Variants in RPE65 observed in about 807,000 individuals in gnomAD.
RPE65 encodes the protein retinoid isomerohydrolase.
Under a neutral mutation model 68.5 loss-of-function variants are expected in RPE65, and 58 were observed. The observed-to-expected ratio is 0.85, with a 90% CI of 0.69 to 1.05. The LOEUF is 1.05. Among genes scored for constraint, RPE65 ranks in the 50% least tolerant of loss-of-function variants. RPE65 has a pLI of 0.00. For synonymous variants in RPE65, 220 were observed against 222.2 expected (o/e 0.99, Z 0.09); for missense variants, 643 against 629.9 (o/e 1.02, Z -0.22).
At chr1:68,436,023 T>A (rs1263996373) in intron 10 of RPE65, among the ~76,000 whole-genome samples, 4 of 152,246 alleles carry the variant, frequency 2.6e-5, no homozygotes. Context: ...CAGTTCCCTA[T>A]TCTATAATTG....
At chr1:68,448,338 C>A (rs559711111) in intron 2 of RPE65, among the ~76,000 whole-genome samples, 1 of 152,162 alleles carries the variant, frequency 6.6e-6, no homozygotes, top group Non-Finnish European at 1.5e-5. Flanking sequence ...ATTTATAGGA[C>A]ATTTACTATG....
At position 68,429,737 on chromosome 1, in the gene RPE65, TCA is replaced by T; in HGVS notation, c.*37_*38del. 6.2e-7 allele frequency: 1 copy of T among 1,612,828 alleles called. No homozygotes were observed. The highest frequency in any genetic ancestry group is 8.5e-7 in the Non-Finnish European group (1 of 1,179,242). On this transcript the variant is annotated 3_prime_UTR_variant, in exon 14 of 14. Transcript: ENST00000262340. ...GATTGCAGACCTGAAGCTGATTTTC[TCA>T]GTTTTGCTACCAAAAACATATCTTG...
intron 10 of RPE65, among the ~76,000 whole-genome samples, chr1:68,432,560 T>C (rs1427581557): frequency 6.6e-6 from 1 of 151,910 alleles, no homozygotes; most frequent in African/African-American, 2.4e-5. Flanking sequence ...GCTGAGTGTG[T>C]TTGAGGAGCA....
chr1:68,443,985 A>G (rs1383804877), intron 5 of RPE65, among the ~76,000 whole-genome samples: 1 of 152,208 alleles, frequency 6.6e-6, no homozygotes, highest in Non-Finnish European at 1.5e-5. Context: ...ATACTTGCCT[A>G]GAACCATAAA....
At chr1:68,448,844 G>C (rs1394275285) in intron 1 of RPE65, 138 bp from the exon 2 acceptor site, 1 of 391,902 alleles carries the variant, frequency 2.6e-6, no homozygotes, top group East Asian at 6.7e-5. Context: ...TCTCAGCTGG[G>C]TGGGGGTGGG....
intron 10 of RPE65, among the ~76,000 whole-genome samples, chr1:68,435,969 G>A (rs1400373970): frequency 6.6e-6 from 1 of 152,338 alleles, no homozygotes; most frequent in Non-Finnish European, 1.5e-5. Context: ...TTAGAAGAAA[G>A]AGGAGACGGA....
At chr1:68,443,262 C>G (rs926106332) in intron 5 of RPE65, among the ~76,000 whole-genome samples, 2 of 152,166 alleles carry the variant, frequency 1.3e-5, no homozygotes, top group Non-Finnish European at 2.9e-5. Context: ...GTGTTATTGC[C>G]CCCTAGGGGA....
chr1:68,438,138 G>A (rs778231195), intron 10 of RPE65, 49 bp downstream of exon 10: 22 of 1,609,556 alleles, frequency 1.4e-5, no homozygotes, highest in East Asian at 2.2e-5. Flanking sequence ...ATTCCTGAGA[G>A]AGATGAAACA....
At position 68,429,789 on chromosome 1, in the gene RPE65, AACAGTCCAT is replaced by A; in HGVS notation, c.1580_1588del (p.His527_Phe530delinsLeu). ...GCTGGAGTATGCTCAAGATTTTTTG[AACAGTCCAT>A]GAAAGGTGACAGGGATGTTAATCTC... On this transcript the variant is annotated inframe_deletion, in exon 14 of 14. Transcript: ENST00000262340. The A allele has an allele frequency of 6.2e-7, 1 of 1,613,612 alleles. No individual in the cohort carries two copies. The highest frequency in any genetic ancestry group is 2.2e-5 in the East Asian group (1 of 44,856).
intron 5 of RPE65, among the ~76,000 whole-genome samples, chr1:68,441,735 A>G (rs916190504): frequency 1.3e-5 from 2 of 152,208 alleles, no homozygotes; most frequent in African/African-American, 4.8e-5. Context: ...CCTGGGACCT[A>G]CTTGGTAAAG....
intron 2 of RPE65, among the ~76,000 whole-genome samples, chr1:68,447,615 A>T (rs1645951748): frequency 6.6e-6 from 1 of 152,100 alleles, no homozygotes; most frequent in Non-Finnish European, 1.5e-5. Flanking sequence ...TAATCCCAGC[A>T]CTTTGGGAGG....
rs1170746947 is a variant in RPE65, at chr1:68,444,623, TAAC to T, written c.400_402del (p.Val134del). On this transcript the variant is annotated inframe_deletion, in exon 5 of 14. Transcript: ENST00000262340. ...TAATCTTCCCCCACTGGGTAGACAT[TAAC>T]AAGGGCATTGTCAGTAACCTCTACT... 6.2e-7 allele frequency: 1 copy of T among 1,613,964 alleles called. No homozygotes were observed. The highest frequency in any genetic ancestry group is 1.3e-5 in the African/African-American group (1 of 74,882).
chr1:68,449,658 C>T (rs1448758932), intron 1 of RPE65, among the ~76,000 whole-genome samples: 1 of 152,046 alleles, frequency 6.6e-6, no homozygotes, highest in Admixed American at 6.5e-5. Flanking sequence ...GTCTGAAATC[C>T]CCATACTCAA....
intron 3 of RPE65, among the ~76,000 whole-genome samples, chr1:68,445,950 G>A (rs1360240860): frequency 6.6e-6 from 1 of 151,840 alleles, no homozygotes; most frequent in Admixed American, 6.6e-5. Flanking sequence ...CATGCAAGTT[G>A]TCCTGCTTCA....
intron 5 of RPE65, among the ~76,000 whole-genome samples, chr1:68,441,533 A>T (rs1158396780): frequency 6.6e-6 from 1 of 152,070 alleles, no homozygotes; most frequent in East Asian, 1.9e-4. Flanking sequence ...AGAACCATGG[A>T]TCTCTTTTAA....
chr1:68,446,599 A>T (rs1645944643), intron 3 of RPE65, 111 bp downstream of exon 3: 4 of 1,228,428 alleles, frequency 3.3e-6, no homozygotes, highest in Non-Finnish European at 4.8e-6. Flanking sequence ...TGTGAGAAGA[A>T]AGTGGGTATA....
At chr1:68,431,959 A>G (rs1409817939) in intron 10 of RPE65, among the ~76,000 whole-genome samples, 4 of 152,074 alleles carry the variant, frequency 2.6e-5, no homozygotes, top group African/African-American at 9.7e-5. Context: ...GCAGAACAAC[A>G]AAGACTTCGA....
At position 68,435,795 on chromosome 1, in the gene RPE65, C is replaced by T. The variant is rs116338530; in HGVS notation, c.1128+2392G>A. ...TAGCTATTAACAAATCAATTTATCC[C>T]TCCTGAGAGTACTACTCCTGTGCTG... On this transcript the variant is annotated intron_variant, in intron 10 of 13. Transcript: ENST00000262340. 5.6e-3 allele frequency among the ~76,000 whole-genome samples: 855 copies of T among 152,290 alleles called. 11 individuals are homozygous for T. Among genetic ancestry groups the T allele is most frequent in the African/African-American group, 0.02 (825 of 41,550 alleles).
In RPE65 at chr1:68,448,393, G is replaced by A. The variant is rs191006505; in HGVS notation, c.94+231C>T. ...CACTGACAGTTTGAAGATGACAAAGGTGTAATCCTGATCCTTAGGGAATTC... is the reference window on the plus strand; with the variant it reads ...CACTGACAGTTTGAAGATGACAAAGATGTAATCCTGATCCTTAGGGAATTC... On this transcript the variant is annotated intron_variant, in intron 2 of 13. Transcript: ENST00000262340. Among the ~76,000 whole-genome samples, 5 of 152,282 alleles carry A rather than the reference G, an allele frequency of 3.3e-5. No individual in the cohort carries two copies. In the East Asian group the frequency reaches 7.7e-4, roughly 24 times the overall value.
Sources: gnomAD v4.1 joint callset for allele counts (sites outside exome capture counted in the v4.1 genomes callset) on GRCh38, gnomAD v4.1.1 for gene constraint, MANE v1.5 for transcripts, NCBI Gene and HGNC (gene_info 2026-07-23, HGNC 2026-07-21) for gene names.